The following LPA variants were observed in gnomAD, a reference collection of about 807,000 sequenced individuals.
LPA encodes apolipoprotein(a).
A neutral mutation model predicts 197.9 loss-of-function variants in LPA; 199 were observed. The ratio of observed to expected loss-of-function variants is 1.01; its 90% confidence interval spans 0.90 to 1.13. The LOEUF (loss-of-function observed/expected upper bound fraction) is 1.13. Among genes scored for constraint, LPA ranks in the 50% most tolerant of loss-of-function variants. The pLI is 0.00. For missense variants in LPA, 1,853 were observed against 1,785.8 expected, an observed-to-expected ratio of 1.04 and a Z score of -0.68; for synonymous variants, 715 against 639.5, an observed-to-expected ratio of 1.12 and a Z score of -1.78.
chr6:160,549,079 T>C (rs1034485711), intron 30 of LPA, among the ~76,000 whole-genome samples: 2 of 152,012 alleles, frequency 1.3e-5, no homozygotes, highest in African/African-American at 4.8e-5. Flanking sequence ...TAAGTGCAAG[T>C]AGGGGAAATG....
intron 16 of LPA, among the ~76,000 whole-genome samples, chr6:160,607,374 C>T (rs1019189484): frequency 3.9e-5 from 6 of 152,116 alleles, no homozygotes; most frequent in Admixed American, 2.0e-4. Context: ...GACCTTCTCT[C>T]CTGCTCTCAG....
At chr6:160,647,859 G>T (rs9295130) in intron 2 of LPA, among the ~76,000 whole-genome samples, 1 of 151,932 alleles carries the variant, frequency 6.6e-6, no homozygotes, top group African/African-American at 2.4e-5. Flanking sequence ...AGATATAAAC[G>T]TTTGATCAAG....
At chr6:160,553,954 TGCGC>T (rs1554231703) in intron 30 of LPA, among the ~76,000 whole-genome samples, 5 of 130,746 alleles carry the variant, frequency 3.8e-5, no homozygotes, top group South Asian at 2.5e-4. Context: ...TGTGTGTGTG[TGCGC>T]GCGCGCGCGT....
At chr6:160,553,361 A>G (rs995749199) in intron 30 of LPA, among the ~76,000 whole-genome samples, 2 of 152,322 alleles carry the variant, frequency 1.3e-5, no homozygotes, top group East Asian at 1.9e-4. Context: ...CTTTTAATAC[A>G]GAAGCCTGCC....
chr6:160,561,874 CTT>C (rs924281187), intron 28 of LPA, among the ~76,000 whole-genome samples: 9 of 151,698 alleles, frequency 5.9e-5, no homozygotes, highest in African/African-American at 2.2e-4. Context: ...CTCTGTGTCT[CTT>C]ATTGGTGTAT....
At chr6:160,595,621 G>T in intron 20 of LPA, 86 bp from the exon 21 acceptor site, 5 of 1,588,162 alleles carry the variant, frequency 3.1e-6, no homozygotes, top group Non-Finnish European at 4.3e-6. Context: ...CTGTAACAAA[G>T]TGTAAAAAGA....
At chr6:160,621,045 T>TA (rs1186169648) in intron 12 of LPA, among the ~76,000 whole-genome samples, 20 of 109,472 alleles carry the variant, frequency 1.8e-4, no homozygotes, top group Non-Finnish European at 2.6e-4. Flanking sequence ...ATACTTTTTT[T>TA]ATACTACCTC....
intron 28 of LPA, 95 bp from the exon 29 acceptor site, chr6:160,557,666 A>T (rs968270551): frequency 1.8e-6 from 2 of 1,115,386 alleles, no homozygotes; most frequent in South Asian, 2.5e-5. Context: ...AGTGTTAAAA[A>T]GTGACGTTGT....
At chr6:160,578,256 C>A (rs1778721884) in intron 27 of LPA, among the ~76,000 whole-genome samples, 1 of 152,044 alleles carries the variant, frequency 6.6e-6, no homozygotes, top group African/African-American at 2.4e-5. Flanking sequence ...CTGAAATGAC[C>A]CATTTAATAA....
chr6:160,651,201 A>C (rs1464902150), intron 1 of LPA, among the ~76,000 whole-genome samples: 1 of 152,228 alleles, frequency 6.6e-6, no homozygotes, highest in African/African-American at 2.4e-5. Context: ...AACCTGACTA[A>C]GACTGAAGTG....
intron 16 of LPA, among the ~76,000 whole-genome samples, chr6:160,608,461 A>G (rs1459829910): frequency 1.3e-5 from 2 of 152,156 alleles, no homozygotes; most frequent in African/African-American, 4.8e-5. Flanking sequence ...AGCAATTTGT[A>G]TCACTGTTCT....
At chr6:160,566,288 A>T (rs898413719) in intron 28 of LPA, among the ~76,000 whole-genome samples, 18 of 151,766 alleles carry the variant, frequency 1.2e-4, no homozygotes, top group African/African-American at 4.4e-4. Flanking sequence ...CTAACAGCAG[A>T]TCTCTCAGCA....
chr6:160,650,979 C>T (rs966296506), intron 1 of LPA, among the ~76,000 whole-genome samples: 1 of 152,168 alleles, frequency 6.6e-6, no homozygotes, highest in Non-Finnish European at 1.5e-5. Flanking sequence ...GCATCTAGCA[C>T]CGCAGGCAAA....
At chr6:160,656,789 T>C (rs1356785654) in intron 1 of LPA, among the ~76,000 whole-genome samples, 2 of 152,180 alleles carry the variant, frequency 1.3e-5, no homozygotes, top group Non-Finnish European at 2.9e-5. Flanking sequence ...AGTCTGGAAA[T>C]TGATTGAGGG....
intron 24 of LPA, among the ~76,000 whole-genome samples, chr6:160,589,018 C>A (rs1318195001): frequency 6.6e-6 from 1 of 152,246 alleles, no homozygotes; most frequent in East Asian, 1.9e-4. Context: ...CTCTCAGCTG[C>A]CTTCCTCCTT....
intron 35 of LPA, among the ~76,000 whole-genome samples, chr6:160,540,837 C>T (rs928858696): frequency 4.6e-5 from 7 of 152,192 alleles, no homozygotes; most frequent in South Asian, 4.1e-4. Context: ...CTCTGTCCTG[C>T]GGTTTATACA....
chr6:160,567,071 A>T (rs1217747614), intron 28 of LPA, among the ~76,000 whole-genome samples: 1 of 152,198 alleles, frequency 6.6e-6, no homozygotes, highest in Non-Finnish European at 1.5e-5. Flanking sequence ...CACTGTCAAC[A>T]TTAGACAGAT....
At chr6:160,659,525 G>A (rs914600758) in intron 1 of LPA, among the ~76,000 whole-genome samples, 1 of 152,252 alleles carries the variant, frequency 6.6e-6, no homozygotes, top group African/African-American at 2.4e-5. Context: ...AAGCTCACAA[G>A]AAAGAGAAAC....
chr6:160,607,864 T>C (rs1290856464), intron 16 of LPA, among the ~76,000 whole-genome samples: 6 of 152,156 alleles, frequency 3.9e-5, no homozygotes, highest in East Asian at 1.9e-4. Context: ...TTATACAATA[T>C]ACCTCAGAGT....
Sources: allele counts gnomAD v4.1 joint callset (sites outside exome capture counted in the v4.1 genomes callset), GRCh38; gene constraint gnomAD v4.1.1; transcripts MANE v1.5; gene names NCBI Gene and HGNC (gene_info 2026-07-23, HGNC 2026-07-21).